Variants in HNRNPM observed in about 807,000 individuals in gnomAD.
HNRNPM encodes heterogeneous nuclear ribonucleoprotein M, also known as CEA receptor.
In HNRNPM, 11 loss-of-function variants were observed where a neutral mutation model predicts 73.1. That is an observed-to-expected ratio of 0.15 (90% CI 0.09 to 0.25). The LOEUF is 0.25. HNRNPM is among the 10% of genes least tolerant of loss of function. HNRNPM has a pLI of 1.00. For synonymous variants in HNRNPM, 407 were observed against 355.2 expected (o/e 1.15, Z -1.64); for missense variants, 789 against 1,067.9 (o/e 0.74, Z 3.64).
At chr19:8,469,725 A>G (rs1970000094) in intron 9 of HNRNPM, among the ~76,000 whole-genome samples, 2 of 152,266 alleles carry the variant, frequency 1.3e-5, no homozygotes, top group South Asian at 4.2e-4. Flanking sequence ...TCTCCTGGAG[A>G]AGAAAGATGG....
At chr19:8,467,981 C>G (rs950983579) in intron 8 of HNRNPM, among the ~76,000 whole-genome samples, 1 of 151,994 alleles carries the variant, frequency 6.6e-6, no homozygotes, top group Non-Finnish European at 1.5e-5. Flanking sequence ...GAGCCGAGAT[C>G]GTGCCACTGC....
chr19:8,463,353 T>A, intron 3 of HNRNPM, 144 bp from the exon 4 acceptor site: 1 of 923,004 alleles, frequency 1.1e-6, no homozygotes, highest in Non-Finnish European at 1.7e-6. Context: ...CAGCTTCCCC[T>A]TAGAAGGGTT....
At chr19:8,448,556 C>T (rs911337441) in intron 1 of HNRNPM, among the ~76,000 whole-genome samples, 3 of 150,964 alleles carry the variant, frequency 2.0e-5, no homozygotes, top group East Asian at 1.9e-4. Context: ...CTGCAAGCTC[C>T]GTGAACCGCT....
intron 1 of HNRNPM, among the ~76,000 whole-genome samples, chr19:8,451,430 C>T (rs748891649): frequency 1.3e-5 from 2 of 152,096 alleles, no homozygotes; most frequent in Non-Finnish European, 2.9e-5. Context: ...TAATTTTGTC[C>T]TGAAGATAGT....
At chr19:8,465,794 T>C (rs966815763) in intron 6 of HNRNPM, among the ~76,000 whole-genome samples, 1 of 152,050 alleles carries the variant, frequency 6.6e-6, no homozygotes, top group Non-Finnish European at 1.5e-5. Flanking sequence ...TTTTATGCAG[T>C]TTTGGTGCAG....
chr19:8,458,711 C>A (rs1236020202), intron 2 of HNRNPM, among the ~76,000 whole-genome samples: 1 of 152,212 alleles, frequency 6.6e-6, no homozygotes, highest in Non-Finnish European at 1.5e-5. Flanking sequence ...GCACTTAATC[C>A]TTCTGTTAGT....
At chr19:8,474,045 T>G in intron 11 of HNRNPM, 122 bp from the exon 12 acceptor site, 1 of 758,464 alleles carries the variant, frequency 1.3e-6, no homozygotes, top group Middle Eastern at 2.5e-4. Context: ...TTCAAAAGCC[T>G]TTAAACTTGG....
At chr19:8,471,479 A>G in intron 10 of HNRNPM, 52 bp downstream of exon 10, 1 of 1,113,260 alleles carries the variant, frequency 9.0e-7, no homozygotes, top group Non-Finnish European at 1.3e-6. Context: ...GAAAATTATT[A>G]ATTATTGGGA....
At chr19:8,476,854 G>T (rs910961428) in intron 12 of HNRNPM, among the ~76,000 whole-genome samples, 1 of 152,118 alleles carries the variant, frequency 6.6e-6, no homozygotes, top group Non-Finnish European at 1.5e-5. Flanking sequence ...GGGCTGCAGG[G>T]TTCTGTCCCT....
chr19:8,470,100 C>T (rs1391659973), intron 9 of HNRNPM, among the ~76,000 whole-genome samples: 1 of 152,214 alleles, frequency 6.6e-6, no homozygotes, highest in African/African-American at 2.4e-5. Flanking sequence ...GGAGGAGGAG[C>T]ACACTGCTCC....
At chr19:8,468,737 T>A in intron 8 of HNRNPM, 37 bp from the exon 9 acceptor site, 1 of 1,556,584 alleles carries the variant, frequency 6.4e-7, no homozygotes, top group Non-Finnish European at 8.9e-7. Context: ...ACTGCTGCAC[T>A]GGATACTGAG....
intron 13 of HNRNPM, among the ~76,000 whole-genome samples, chr19:8,484,979 G>T (rs563796356): frequency 6.6e-6 from 1 of 151,382 alleles, no homozygotes; most frequent in South Asian, 2.1e-4. Flanking sequence ...TGACAATAGG[G>T]TCCCCAAAAG....
chr19:8,480,888 T>C (rs1970869446), intron 12 of HNRNPM, among the ~76,000 whole-genome samples: 1 of 152,136 alleles, frequency 6.6e-6, no homozygotes, highest in Admixed American at 6.5e-5. Flanking sequence ...CCTCTCCCGC[T>C]GCGGTTACAC....
chr19:8,469,158 T>G (rs901208703), intron 9 of HNRNPM, among the ~76,000 whole-genome samples: 1 of 152,338 alleles, frequency 6.6e-6, no homozygotes. Context: ...CAGAAGATAC[T>G]GGTTAGTCCC....
intron 10 of HNRNPM, among the ~76,000 whole-genome samples, chr19:8,472,918 C>G (rs1019097174): frequency 6.6e-5 from 10 of 152,130 alleles, no homozygotes; most frequent in Admixed American, 6.6e-5. Flanking sequence ...ACTTCTGTTC[C>G]CTAAAATTTT....
intron 9 of HNRNPM, among the ~76,000 whole-genome samples, chr19:8,470,651 C>G (rs565605536): frequency 6.6e-6 from 1 of 152,202 alleles, no homozygotes; most frequent in East Asian, 1.9e-4. Context: ...TAAAAGCTTA[C>G]CTGGTTGTAG....
intron 12 of HNRNPM, among the ~76,000 whole-genome samples, chr19:8,479,752 A>AT (rs1030341744): frequency 1.8e-5 from 2 of 113,950 alleles, no homozygotes; most frequent in Non-Finnish European, 3.5e-5. Context: ...CCAGCGGTGT[A>AT]TTTAAAAAAA....
chr19:8,452,463 C>T (rs1039910298), intron 1 of HNRNPM, among the ~76,000 whole-genome samples: 1 of 152,174 alleles, frequency 6.6e-6, no homozygotes, highest in African/African-American at 2.4e-5. Context: ...GATGATTTGG[C>T]AGATAGATTT....
chr19:8,455,943 C>CTT (rs1366927942), intron 2 of HNRNPM, among the ~76,000 whole-genome samples: 145 of 49,572 alleles, frequency 2.9e-3, no homozygotes, highest in Non-Finnish European at 8.5e-3. Context: ...TCCTTTCTTT[C>CTT]CTTTTTTTTT....
Sources: allele counts gnomAD v4.1 joint callset (sites outside exome capture counted in the v4.1 genomes callset), GRCh38; gene constraint gnomAD v4.1.1; transcripts MANE v1.5; gene names NCBI Gene and HGNC (gene_info 2026-07-23, HGNC 2026-07-21).